The following BTG4 variants were observed in gnomAD, a reference collection of about 807,000 sequenced individuals.
BTG4 encodes protein BTG4.
BTG4 carries 10 observed loss-of-function variants against 19.3 expected under a neutral mutation model. The ratio of observed to expected loss-of-function variants is 0.52; its 90% confidence interval spans 0.32 to 0.88. The LOEUF is 0.88. Ranked by LOEUF, BTG4 falls within the 40% of genes least tolerant of loss-of-function variation. BTG4 has a pLI of 0.04. For missense variants in BTG4, 238 were observed against 281.9 expected, an observed-to-expected ratio of 0.84 and a Z score of 1.11; for synonymous variants, 91 against 95.7, an observed-to-expected ratio of 0.95 and a Z score of 0.29.
chr11:111,387,819 A>G, the BTG4 span, among the ~76,000 whole-genome samples: 14 of 152,334 alleles, frequency 9.2e-5, no homozygotes, highest in Admixed American at 9.1e-4. Flanking sequence ...TAGTCTTTGC[A>G]AAAAGAATAT....
chr11:111,512,168 T>A lies in BTG4; in HGVS notation c.-27+13A>T, dbSNP rs1174499463. ...CCTCCATTTGGAAAATTCAAACCTA[T>A]AATTTGAGGTACCTGGGAAGCCGCT... On this transcript the variant is annotated intron_variant, in intron 1 of 4. Coordinates refer to ENST00000692032, the MANE Select transcript of BTG4 (RefSeq NM_001367975.1). 1 of 152,020 alleles carries A rather than the reference T, an allele frequency of 6.6e-6. No individual in the cohort carries two copies. The highest frequency in any genetic ancestry group is 1.5e-5 in the Non-Finnish European group (1 of 68,008). The allele number at this position is 152,020 out of a possible 1,614,324, so 9.4% of individuals were successfully genotyped here.
intron 1 of BTG4, among the ~76,000 whole-genome samples, chr11:111,510,842 C>T (rs1486879100): frequency 1.3e-5 from 2 of 152,140 alleles, no homozygotes; most frequent in Non-Finnish European, 2.9e-5. Flanking sequence ...CTGACCCAAC[C>T]ATTGCCTTGG....
chr11:111,500,688 T>C (rs915908822), intron 1 of BTG4, among the ~76,000 whole-genome samples: 1 of 151,726 alleles, frequency 6.6e-6, no homozygotes, highest in African/African-American at 2.4e-5. Flanking sequence ...TCTTTTTTTT[T>C]TCCAGCTTGC....
chr11:111,431,417 A>G, the BTG4 span, among the ~76,000 whole-genome samples: 1 of 152,342 alleles, frequency 6.6e-6, no homozygotes, highest in South Asian at 2.1e-4. Context: ...ATTGAGACTC[A>G]GAGAAGTAAC....
the BTG4 span, among the ~76,000 whole-genome samples, chr11:111,439,207 G>C: frequency 6.6e-6 from 1 of 152,346 alleles, no homozygotes; most frequent in Non-Finnish European, 1.5e-5. Flanking sequence ...TAATACAAAA[G>C]TTTCTGCTTT....
At chr11:111,458,738 A>T in the BTG4 span, among the ~76,000 whole-genome samples, 1 of 152,092 alleles carries the variant, frequency 6.6e-6, no homozygotes, top group Non-Finnish European at 1.5e-5. Flanking sequence ...GGCAAGGAGA[A>T]GTAGGAGTGG....
the BTG4 span, among the ~76,000 whole-genome samples, chr11:111,412,376 T>G: frequency 7.5e-6 from 1 of 132,840 alleles, no homozygotes; most frequent in Non-Finnish European, 1.7e-5. Flanking sequence ...TTGATTTAAT[T>G]TGTCCTAAGT....
chr11:111,440,295 C>A, the BTG4 span, among the ~76,000 whole-genome samples: 1 of 152,194 alleles, frequency 6.6e-6, no homozygotes, highest in Non-Finnish European at 1.5e-5. Flanking sequence ...CCCAGAATCT[C>A]ACTTCTGCTA....
chr11:111,386,498 G>T, the BTG4 span, among the ~76,000 whole-genome samples: 1 of 152,194 alleles, frequency 6.6e-6, no homozygotes, highest in Non-Finnish European at 1.5e-5. Flanking sequence ...AGGGCAGTTT[G>T]TAAAGTCAGA....
At chr11:111,420,667 G>C in the BTG4 span, among the ~76,000 whole-genome samples, 1 of 152,224 alleles carries the variant, frequency 6.6e-6, no homozygotes, top group Non-Finnish European at 1.5e-5. Flanking sequence ...GACACAGTTT[G>C]TCTAGTAGAA....
chr11:111,405,711 A>G, the BTG4 span, among the ~76,000 whole-genome samples: 1 of 152,202 alleles, frequency 6.6e-6, no homozygotes, highest in Non-Finnish European at 1.5e-5. Flanking sequence ...ATAAAGAGGA[A>G]GTATAGCGTG....
chr11:111,425,884 A>G, the BTG4 span, among the ~76,000 whole-genome samples: 3 of 152,140 alleles, frequency 2.0e-5, no homozygotes, highest in Non-Finnish European at 4.4e-5. Flanking sequence ...ATTTAAAAAT[A>G]GCTGGGCATG....
the BTG4 span, among the ~76,000 whole-genome samples, chr11:111,460,714 C>T: frequency 0.024 from 3,585 of 152,238 alleles, 73 homozygotes; most frequent in Middle Eastern, 0.048. Context: ...ATGAAAGCCA[C>T]GGGGAGCTGC....
chr11:111,497,972 A>G (rs1253432687), intron 3 of BTG4, 26 bp downstream of exon 3: 1 of 1,607,440 alleles, frequency 6.2e-7, no homozygotes, highest in Non-Finnish European at 8.5e-7. Flanking sequence ...GGTATCACAC[A>G]GCACACAAAC....
downstream of BTG4, among the ~76,000 whole-genome samples, chr11:111,492,739 A>G (rs976991437): frequency 4.6e-5 from 7 of 152,346 alleles, no homozygotes; most frequent in African/African-American, 1.7e-4. Context: ...AACCCCTAAC[A>G]TATGACTGTA....
At chr11:111,425,038 C>A in the BTG4 span, among the ~76,000 whole-genome samples, 1 of 152,096 alleles carries the variant, frequency 6.6e-6, no homozygotes. Flanking sequence ...GTTTAGAAAG[C>A]GGATGAGCAG....
downstream of BTG4, among the ~76,000 whole-genome samples, chr11:111,492,481 C>T (rs1865480258): frequency 6.6e-6 from 1 of 152,208 alleles, no homozygotes; most frequent in African/African-American, 2.4e-5. Flanking sequence ...ATACTTCTTA[C>T]TCTGCTGAGA....
the BTG4 span, among the ~76,000 whole-genome samples, chr11:111,453,840 G>A: frequency 6.6e-6 from 1 of 152,234 alleles, no homozygotes; most frequent in South Asian, 2.1e-4. Flanking sequence ...GTACAAAGCA[G>A]CCAAGTTACA....
the BTG4 span, chr11:111,451,442 A>T: frequency 2.2e-6 from 1 of 444,760 alleles, no homozygotes; most frequent in East Asian, 7.1e-5. Context: ...CATTTAAGAC[A>T]TTATCCCATT....
Sources: allele counts gnomAD v4.1 joint callset (sites outside exome capture counted in the v4.1 genomes callset), GRCh38; gene constraint gnomAD v4.1.1; transcripts MANE v1.5; gene names NCBI Gene and HGNC (gene_info 2026-07-23, HGNC 2026-07-21).